The following TNS3 variants were observed in gnomAD, a reference collection of about 807,000 sequenced individuals.
The protein encoded by TNS3 is tensin-3.
Under a neutral mutation model 140.9 loss-of-function variants are expected in TNS3, and 45 were observed. That is an observed-to-expected ratio of 0.32 (90% CI 0.25 to 0.41). The LOEUF is 0.41. Ranked by LOEUF, TNS3 falls within the 10% of genes least tolerant of loss-of-function variation. The probability of loss-of-function intolerance (pLI) is 1.00; values close to 1 mark genes in which losing one functional copy is unlikely to be tolerated. For missense variants in TNS3, 1,716 were observed against 1,906.7 expected, an observed-to-expected ratio of 0.90 and a Z score of 1.86; for synonymous variants, 815 against 788.4, an observed-to-expected ratio of 1.03 and a Z score of -0.56.
At chr7:47,489,665 C>T (rs998737555) in intron 3 of TNS3, among the ~76,000 whole-genome samples, 2 of 152,214 alleles carry the variant, frequency 1.3e-5, no homozygotes, top group African/African-American at 4.8e-5. Flanking sequence ...ATCCTGTATC[C>T]ATTATGTCAC....
chr7:47,533,120 T>A, intron 1 of TNS3, among the ~76,000 whole-genome samples: 1 of 30,132 alleles, frequency 3.3e-5, no homozygotes, highest in South Asian at 1.9e-3. Context: ...TATATATATA[T>A]ATATTTTTTT....
intron 1 of TNS3, chr7:47,581,517 A>T (rs543168100): frequency 6.6e-6 from 1 of 152,254 alleles, no homozygotes; most frequent in African/African-American, 2.4e-5. Context: ...TGGAGTCTCG[A>T]GACGGAGTCC....
intron 4 of TNS3, among the ~76,000 whole-genome samples, chr7:47,455,221 A>G (rs1312952470): frequency 1.3e-5 from 2 of 152,266 alleles, no homozygotes; most frequent in Non-Finnish European, 2.9e-5. Context: ...CAATAGCTCA[A>G]TGTTTGCAAG....
At chr7:47,422,952 ATTGCATGTGGG>A (rs768676763) in intron 10 of TNS3, among the ~76,000 whole-genome samples, 54 of 152,248 alleles carry the variant, frequency 3.5e-4, no homozygotes, top group Middle Eastern at 3.4e-3. Flanking sequence ...CACAACTTGC[ATTGCATGTGGG>A]CCCTGTTGCT....
chr7:47,519,326 A>G (rs1798886860), intron 2 of TNS3, among the ~76,000 whole-genome samples: 1 of 149,546 alleles, frequency 6.7e-6, no homozygotes, highest in Non-Finnish European at 1.5e-5. Context: ...AAGGGATCAT[A>G]TTATACAATA....
At chr7:47,532,063 G>GCC (rs57977999) in intron 1 of TNS3, among the ~76,000 whole-genome samples, 16 of 151,512 alleles carry the variant, frequency 1.1e-4, no homozygotes, top group African/African-American at 3.4e-4. Flanking sequence ...CGCATGGGAA[G>GCC]CCCCCCCCCG....
chr7:47,341,381 G>A (rs914715845), intron 20 of TNS3, among the ~76,000 whole-genome samples: 1 of 152,172 alleles, frequency 6.6e-6, no homozygotes, highest in African/African-American at 2.4e-5. Context: ...TTTTTTGGGA[G>A]ATTATAAATT....
chr7:47,512,175 G>A (rs985115120), intron 2 of TNS3, among the ~76,000 whole-genome samples: 1 of 152,234 alleles, frequency 6.6e-6, no homozygotes, highest in African/African-American at 2.4e-5. Context: ...AACACCCAGT[G>A]AGCTGGTGTG....
intron 10 of TNS3, among the ~76,000 whole-genome samples, chr7:47,417,972 G>T (rs1321235461): frequency 6.6e-6 from 1 of 152,156 alleles, no homozygotes; most frequent in Non-Finnish European, 1.5e-5. Context: ...CAGTACCAAA[G>T]AACAGAACAT....
chr7:47,507,170 A>G (rs1209067298), intron 2 of TNS3, among the ~76,000 whole-genome samples: 1 of 152,188 alleles, frequency 6.6e-6, no homozygotes, highest in Non-Finnish European at 1.5e-5. Context: ...TCTGTTAGCA[A>G]CAGCTCAGGT....
chr7:47,554,917 A>T (rs772010720), intron 1 of TNS3, among the ~76,000 whole-genome samples: 11 of 151,786 alleles, frequency 7.2e-5, no homozygotes, highest in Non-Finnish European at 1.5e-4. Flanking sequence ...AATCCCAGCT[A>T]CTCAGGAGGC....
intron 20 of TNS3, among the ~76,000 whole-genome samples, chr7:47,338,566 G>A (rs1158600676): frequency 6.6e-6 from 1 of 151,846 alleles, no homozygotes; most frequent in Non-Finnish European, 1.5e-5. Context: ...TTAGTCAGTG[G>A]CTTTTCTTTT....
chr7:47,572,001 G>C (rs1800568581), intron 1 of TNS3, among the ~76,000 whole-genome samples: 1 of 152,206 alleles, frequency 6.6e-6, no homozygotes, highest in South Asian at 2.1e-4. Context: ...CAGCCATCAG[G>C]GAGAGGAATG....
chr7:47,529,244 A>C, intron 1 of TNS3, 97 bp from the exon 2 acceptor site: 1 of 669,460 alleles, frequency 1.5e-6, no homozygotes, highest in Non-Finnish European at 2.1e-6. Flanking sequence ...GTGGAATTGT[A>C]AAGAGCAAAA....
chr7:47,411,910 A>G (rs1306669327), intron 12 of TNS3, 108 bp from the exon 13 acceptor site: 1 of 1,004,414 alleles, frequency 1.0e-6, no homozygotes, highest in Non-Finnish European at 1.5e-6. Flanking sequence ...AATTACACAG[A>G]ATGCCCAATC....
At chr7:47,421,898 C>A (rs948776995) in intron 10 of TNS3, among the ~76,000 whole-genome samples, 1 of 152,130 alleles carries the variant, frequency 6.6e-6, no homozygotes, top group African/African-American at 2.4e-5. Flanking sequence ...ATTAATTATT[C>A]TCAAGAGTGA....
At chr7:47,464,985 C>A (rs2151709217) in intron 4 of TNS3, among the ~76,000 whole-genome samples, 1 of 152,332 alleles carries the variant, frequency 6.6e-6, no homozygotes, top group Middle Eastern at 3.4e-3. Context: ...ATGCCTGCGC[C>A]TTGGCCCTAT....
chr7:47,317,813 A>G (rs1562587669), intron 20 of TNS3, among the ~76,000 whole-genome samples: 2 of 152,204 alleles, frequency 1.3e-5, no homozygotes, highest in Admixed American at 6.5e-5. Flanking sequence ...AGTCACTGGA[A>G]ATAAATGTGT....
At chr7:47,532,049 C>T (rs905311530) in intron 1 of TNS3, among the ~76,000 whole-genome samples, 1 of 131,300 alleles carries the variant, frequency 7.6e-6, no homozygotes, top group Non-Finnish European at 1.7e-5. Context: ...CCTGCACCCT[C>T]GGGCGCATGG....
Sources: gnomAD v4.1 joint callset for allele counts (sites outside exome capture counted in the v4.1 genomes callset) on GRCh38, gnomAD v4.1.1 for gene constraint, MANE v1.5 for transcripts, NCBI Gene and HGNC (gene_info 2026-07-23, HGNC 2026-07-21) for gene names.